The following UHRF2 variants were observed in gnomAD, a reference collection of about 807,000 sequenced individuals.
UHRF2 encodes the protein ubiquitin like with PHD and ring finger domains 2, also known as E3 ubiquitin-protein ligase UHRF2.
In UHRF2, 23 loss-of-function variants were observed where a neutral mutation model predicts 96.8. The observed-to-expected ratio is 0.24, with a 90% CI of 0.17 to 0.34. The LOEUF is 0.34. Among genes scored for constraint, UHRF2 ranks in the 10% least tolerant of loss-of-function variants. The pLI, the probability that UHRF2 is intolerant of heterozygous loss-of-function variation, is 1.00. For missense variants in UHRF2, 685 were observed against 981.5 expected (o/e 0.70, Z 4.04); for synonymous variants, 385 against 332.6 (o/e 1.16, Z -1.72).
chr9:6,504,097 C>T (rs1169043200), intron 14 of UHRF2, among the ~76,000 whole-genome samples: 1 of 144,266 alleles, frequency 6.9e-6, no homozygotes, highest in Admixed American at 7.1e-5. Flanking sequence ...GTGATCTCAG[C>T]TCACTGCAAG....
chr9:6,506,660 C>T lies in UHRF2; in HGVS notation c.*481C>T, dbSNP rs1479408062. 6.5e-6 allele frequency: 1 copy of T among 152,798 alleles called. No individual in the cohort carries two copies. The highest frequency in any genetic ancestry group is 1.5e-5 in the Non-Finnish European group (1 of 68,194). 9.5% of individuals were successfully genotyped at this position (152,798 alleles called of 1,614,324 possible). A position where few individuals can be genotyped will look rare whatever the true frequency, so the allele number is the denominator to read the frequency against. ...TGCATATACTTTTTTAACGTCTCTT[C>T]TTCCATTACAATGTGTGTTTTGCAA... On this transcript the variant is annotated 3_prime_UTR_variant, in exon 16 of 16. Transcript: ENST00000276893.
rs538626397 is a variant in UHRF2 at position 6,458,631 on chromosome 9, A to T, written c.645-1942A>T. Among the ~76,000 whole-genome samples the T allele has an allele frequency of 5.3e-5, 8 of 152,284 alleles. No homozygotes were observed. The South Asian group carries it at 1.7e-3, about 32-fold the overall frequency. Reference sequence around the variant, plus strand: ...GCTTTTATACTGTTGGTGGGAGTGTAAATTAGTTCAACCATTGTGGAAGAC... The same window carrying T: ...GCTTTTATACTGTTGGTGGGAGTGTTAATTAGTTCAACCATTGTGGAAGAC... On this transcript the variant is annotated intron_variant, in intron 3 of 15. Transcript: ENST00000276893.
intron 4 of UHRF2, among the ~76,000 whole-genome samples, chr9:6,464,809 A>C (rs1822762507): frequency 6.6e-6 from 1 of 152,204 alleles, no homozygotes; most frequent in African/African-American, 2.4e-5. Flanking sequence ...ATAATACAAC[A>C]GAGCACATGA....
intron 3 of UHRF2, among the ~76,000 whole-genome samples, chr9:6,452,848 C>T (rs199666640): frequency 1.3e-5 from 2 of 151,784 alleles, no homozygotes; most frequent in African/African-American, 2.4e-5. Context: ...AAAGTTTAGG[C>T]GAGAGTGGAG....
At chr9:6,457,571 C>G (rs982243377) in intron 3 of UHRF2, among the ~76,000 whole-genome samples, 11 of 152,170 alleles carry the variant, frequency 7.2e-5, no homozygotes, top group African/African-American at 2.7e-4. Context: ...GAGAGGCCAT[C>G]CCTGTCTTGT....
intron 3 of UHRF2, among the ~76,000 whole-genome samples, chr9:6,448,949 G>A (rs182173273): frequency 3.2e-4 from 48 of 152,238 alleles, no homozygotes; most frequent in Non-Finnish European, 6.6e-4. Context: ...TTTAAACATC[G>A]CAGAACAAGC....
At position 6,491,980 on chromosome 9, in the gene UHRF2, G is replaced by A. The variant is rs7875793; in HGVS notation, c.1498-1846G>A. On this transcript the variant is annotated intron_variant, in intron 9 of 15. Transcript: ENST00000276893. ...ACTCCTGGGCTCAAGCAGGCCAACTGCTTTGGCCTCCCACAGTGCTGGGAT... is the reference window on the plus strand; with the variant it reads ...ACTCCTGGGCTCAAGCAGGCCAACTACTTTGGCCTCCCACAGTGCTGGGAT... Among the ~76,000 whole-genome samples the A allele has an allele frequency of 9.4e-3, 1,438 of 152,288 alleles. 15 individuals carry two copies. Among genetic ancestry groups the A allele is most frequent in the African/African-American group, 0.029 (1,188 of 41,548 alleles).
intron 2 of UHRF2, among the ~76,000 whole-genome samples, chr9:6,432,991 C>T (rs1820642581): frequency 6.6e-6 from 1 of 152,118 alleles, no homozygotes; most frequent in Non-Finnish European, 1.5e-5. Context: ...CAAGCATGCT[C>T]CACCACGCCT....
At chr9:6,435,359 C>G (rs1820781437) in intron 3 of UHRF2, among the ~76,000 whole-genome samples, 1 of 152,316 alleles carries the variant, frequency 6.6e-6, no homozygotes, top group Admixed American at 6.5e-5. Context: ...CTCCTGGGCT[C>G]AAGTGATCCT....
At chr9:6,473,991 T>C (rs1823408052) in intron 4 of UHRF2, among the ~76,000 whole-genome samples, 1 of 152,156 alleles carries the variant, frequency 6.6e-6, no homozygotes, top group South Asian at 2.1e-4. Flanking sequence ...AGAGATGGCA[T>C]GTGAATTTAT....
intron 5 of UHRF2, among the ~76,000 whole-genome samples, chr9:6,476,649 C>T (rs929026805): frequency 2.0e-5 from 3 of 152,066 alleles, no homozygotes; most frequent in African/African-American, 7.2e-5. Context: ...GGCTGGAGTG[C>T]AGTGGCGCAA....
intron 8 of UHRF2, chr9:6,484,457 CT>C (rs1824136397): frequency 6.6e-6 from 1 of 151,294 alleles, no homozygotes; most frequent in African/African-American, 2.4e-5. Flanking sequence ...CTCCTCCCCC[CT>C]CCTCCTGGAT....
chr9:6,457,240 T>C (rs1008586035), intron 3 of UHRF2, among the ~76,000 whole-genome samples: 1 of 152,164 alleles, frequency 6.6e-6, no homozygotes, highest in Non-Finnish European at 1.5e-5. Context: ...GTGAGTTGTA[T>C]TCCTAGGTAT....
chr9:6,477,228 C>A (rs1229146817), intron 5 of UHRF2, among the ~76,000 whole-genome samples: 1 of 150,272 alleles, frequency 6.7e-6, no homozygotes, highest in Admixed American at 6.6e-5. Context: ...AGTGAGACTC[C>A]ATCTCAAAAA....
At chr9:6,430,948 C>T (rs998897443) in intron 2 of UHRF2, among the ~76,000 whole-genome samples, 2 of 152,200 alleles carry the variant, frequency 1.3e-5, no homozygotes, top group African/African-American at 2.4e-5. Flanking sequence ...CAGATGCTCC[C>T]ACATAGGCAA....
At chr9:6,443,293 A>G (rs528550735) in intron 3 of UHRF2, among the ~76,000 whole-genome samples, 1 of 152,342 alleles carries the variant, frequency 6.6e-6, no homozygotes, top group Admixed American at 6.5e-5. Context: ...AGCAGTATAC[A>G]GATACTTTAC....
At chr9:6,438,190 C>G (rs1036831251) in intron 3 of UHRF2, among the ~76,000 whole-genome samples, 2 of 152,208 alleles carry the variant, frequency 1.3e-5, no homozygotes, top group African/African-American at 2.4e-5. Context: ...AGGGAAGTTT[C>G]AGGATAACCT....
At chr9:6,445,453 A>T (rs974102200) in intron 3 of UHRF2, among the ~76,000 whole-genome samples, 18 of 151,948 alleles carry the variant, frequency 1.2e-4, no homozygotes, top group African/African-American at 4.4e-4. Context: ...TAGAGATGGG[A>T]TCTCACCATG....
intron 3 of UHRF2, among the ~76,000 whole-genome samples, chr9:6,455,503 G>T (rs1337395948): frequency 6.6e-6 from 1 of 152,170 alleles, no homozygotes; most frequent in Non-Finnish European, 1.5e-5. Context: ...ATTCCATGGT[G>T]TATATATGCC....
Sources: gnomAD v4.1 joint callset for allele counts (sites outside exome capture counted in the v4.1 genomes callset) on GRCh38, gnomAD v4.1.1 for gene constraint, MANE v1.5 for transcripts, NCBI Gene and HGNC (gene_info 2026-07-23, HGNC 2026-07-21) for gene names.